Variants in CDKL5 observed in about 807,000 individuals in gnomAD.
The protein encoded by CDKL5 is cyclin dependent kinase like 5.
CDKL5 carries 8 observed loss-of-function variants against 61.7 expected under a neutral mutation model. The ratio of observed to expected loss-of-function variants is 0.13; its 90% confidence interval spans 0.08 to 0.23. The LOEUF is 0.23. CDKL5 is among the 10% of genes least tolerant of loss of function. The pLI is 1.00. For synonymous variants in CDKL5, 275 were observed against 272.3 expected, an observed-to-expected ratio of 1.01 and a Z score of -0.10; for missense variants, 440 against 734.5, an observed-to-expected ratio of 0.60 and a Z score of 4.63.
chrX:18,578,400 A>G (rs1483167118), intron 5 of CDKL5, among the ~76,000 whole-genome samples: 1 of 112,101 alleles, frequency 8.9e-6, no homozygotes, highest in African/African-American at 3.2e-5. Flanking sequence ...TAGGTATACA[A>G]CTTGACTGGT....
In CDKL5 at chrX:18,578,221, C is replaced by T. The variant is rs190977008; in HGVS notation, c.283-1627C>T. Among the ~76,000 whole-genome samples the T allele has an allele frequency of 9.8e-5, 11 of 112,585 alleles. No individual in the cohort carries two copies. In the East Asian group the frequency reaches 2.8e-3, roughly 28 times the overall value. Reference sequence around the variant, plus strand: ...GATTAGATGGCAATAAGTTTAGTGGCTTTTCATTTATTAAGCCTTTCTAAA... The same window carrying T: ...GATTAGATGGCAATAAGTTTAGTGGTTTTTCATTTATTAAGCCTTTCTAAA... On this transcript the variant is annotated intron_variant, in intron 5 of 17. Coordinates refer to ENST00000623535, the MANE Select transcript of CDKL5 (RefSeq NM_001323289.2).
chrX:18,460,191 C>T (rs779678507), intron 1 of CDKL5, among the ~76,000 whole-genome samples: 16 of 109,383 alleles, frequency 1.5e-4, no homozygotes, highest in Non-Finnish European at 2.5e-4. Context: ...CCACCGCACT[C>T]GGCCTCAGGA....
chrX:18,501,173 T>C (rs373316551), intron 1 of CDKL5, among the ~76,000 whole-genome samples: 14 of 110,073 alleles, frequency 1.3e-4, no homozygotes, highest in African/African-American at 4.3e-4. Context: ...TTTTTTTGTT[T>C]GTTTGTTTTT....
At chrX:18,643,449 C>T (rs1469137251), downstream of CDKL5, among the ~76,000 whole-genome samples, 4 of 112,317 alleles carry the variant, frequency 3.6e-5, no homozygotes, top group Non-Finnish European at 7.5e-5. Context: ...GAGGGTGGAA[C>T]AGGCTCCACC....
chrX:18,584,539 C>G (rs772924520), intron 8 of CDKL5, among the ~76,000 whole-genome samples, 186 bp downstream of exon 8: 80 of 112,116 alleles, frequency 7.1e-4, no homozygotes, highest in Middle Eastern at 4.6e-3. Context: ...GCTCAGAATT[C>G]TGGGTGTGGG....
chrX:18,431,790 A>G (rs1931497839), intron 1 of CDKL5, among the ~76,000 whole-genome samples: 1 of 111,396 alleles, frequency 9.0e-6, no homozygotes, highest in Non-Finnish European at 1.9e-5. Flanking sequence ...AATTATTTTT[A>G]AGTTAATTTA....
chrX:18,440,406 C>T (rs1342885037), intron 1 of CDKL5, among the ~76,000 whole-genome samples: 2 of 111,999 alleles, frequency 1.8e-5, no homozygotes, highest in Admixed American at 9.5e-5. Flanking sequence ...GCTCCTCTTG[C>T]CTTGGCCTCC....
intron 20 of CDKL5, chrX:18,646,214 C>G: frequency 9.4e-7 from 1 of 1,066,977 alleles, no homozygotes; most frequent in South Asian, 2.0e-5. Context: ...TGCAGTGGCA[C>G]ACAATCTCGG....
intron 1 of CDKL5, among the ~76,000 whole-genome samples, chrX:18,458,012 C>T (rs1469346194): frequency 9.7e-6 from 1 of 102,810 alleles, no homozygotes; most frequent in East Asian, 3.1e-4. Context: ...CCTCCGCCTC[C>T]TGGGTTCAAG....
At chrX:18,494,535 A>G (rs1045990916) in intron 1 of CDKL5, among the ~76,000 whole-genome samples, 1 of 112,548 alleles carries the variant, frequency 8.9e-6, no homozygotes, top group African/African-American at 3.2e-5. Context: ...CTGGGATTAC[A>G]GGCGTTAGCC....
At chrX:18,525,435 A>G (rs894456216) in intron 3 of CDKL5, among the ~76,000 whole-genome samples, 1 of 111,140 alleles carries the variant, frequency 9.0e-6, no homozygotes, top group Non-Finnish European at 1.9e-5. Flanking sequence ...GGGTCTTGCT[A>G]TGTTGACCAG....
intron 1 of CDKL5, among the ~76,000 whole-genome samples, chrX:18,434,725 C>T (rs1445413338): frequency 2.7e-5 from 3 of 110,950 alleles, no homozygotes; most frequent in Non-Finnish European, 5.7e-5. Context: ...GTCAGGAGTT[C>T]GAGACCAGCC....
intron 3 of CDKL5, among the ~76,000 whole-genome samples, chrX:18,520,497 ATTTGAG>A (rs759792005): frequency 3.5e-4 from 39 of 112,005 alleles, no homozygotes; most frequent in Non-Finnish European, 7.0e-4. Flanking sequence ...AGTCATGGAC[ATTTGAG>A]TTGTTTCTAC....
Position 18,528,662 on chromosome X carries a change from C to G in CDKL5, c.99+17808C>G, listed in dbSNP as rs771482423. On this transcript the variant is annotated intron_variant, in intron 3 of 17. Coordinates refer to ENST00000623535, the MANE Select transcript of CDKL5 (RefSeq NM_001323289.2). ...TTTATTAATTATTTTTAGATACAGT[C>G]TTGCTCTGTTGCCCAGCCTGGAATA... is the stretch of plus-strand genomic sequence containing the variant. Among the ~76,000 whole-genome samples, 59 of 110,434 alleles carry G rather than the reference C, an allele frequency of 5.3e-4. 1 individual carries two copies. The highest frequency in any genetic ancestry group is 8.9e-4 in the Non-Finnish European group (47 of 52,896).
chrX:18,561,505 C>T (rs1027124266), intron 3 of CDKL5, among the ~76,000 whole-genome samples: 1 of 110,484 alleles, frequency 9.1e-6, no homozygotes, highest in African/African-American at 3.3e-5. Flanking sequence ...ACCCTCCTCT[C>T]AAAAATAAAT....
chrX:18,481,564 T>C, intron 1 of CDKL5, among the ~76,000 whole-genome samples: 1 of 102,206 alleles, frequency 9.8e-6, no homozygotes, highest in Non-Finnish European at 2.0e-5. Context: ...GGTTTTACCA[T>C]GTTGCCCAGG....
intron 16 of CDKL5, among the ~76,000 whole-genome samples, chrX:18,621,326 C>T (rs1926883327): frequency 8.9e-6 from 1 of 111,774 alleles, no homozygotes; most frequent in Non-Finnish European, 1.9e-5. Flanking sequence ...TAACAAATAC[C>T]TTCCTAGATA....
chrX:18,540,215 G>A (rs1274302414), intron 3 of CDKL5, among the ~76,000 whole-genome samples: 1 of 111,097 alleles, frequency 9.0e-6, no homozygotes, highest in African/African-American at 3.3e-5. Context: ...TGTCACCCAG[G>A]CTGGAGGGTC....
chrX:18,476,343 G>A (rs1172583016), intron 1 of CDKL5, among the ~76,000 whole-genome samples: 1 of 110,840 alleles, frequency 9.0e-6, no homozygotes, highest in Non-Finnish European at 1.9e-5. Context: ...AGCCTCCCAA[G>A]TAGCTAAGAT....
Sources: gnomAD v4.1 joint callset for allele counts (sites outside exome capture counted in the v4.1 genomes callset) on GRCh38, gnomAD v4.1.1 for gene constraint, MANE v1.5 for transcripts, NCBI Gene and HGNC (gene_info 2026-07-23, HGNC 2026-07-21) for gene names.